The following VPS13C variants were observed in gnomAD, a reference collection of about 807,000 sequenced individuals.
VPS13C encodes vacuolar protein sorting 13 homolog C, also known as intermembrane lipid transfer protein VPS13C.
A neutral mutation model predicts 456.8 loss-of-function variants in VPS13C; 358 were observed. The ratio of observed to expected loss-of-function variants is 0.78; its 90% CI spans 0.72 to 0.86. VPS13C has a LOEUF of 0.86. Among genes scored for constraint, VPS13C ranks in the 40% least tolerant of loss-of-function variants. The probability of loss-of-function intolerance (pLI) is 0.00; values close to 1 mark genes in which losing one functional copy is unlikely to be tolerated. For synonymous variants in VPS13C, 1,578 were observed against 1,486.7 expected, an observed-to-expected ratio of 1.06 and a Z score of -1.41; for missense variants, 4,818 against 4,385.4, an observed-to-expected ratio of 1.10 and a Z score of -2.79.
In VPS13C at chr15:62,032,590, G is replaced by C. The variant is rs192847959; in HGVS notation, c.385+851C>G. 9.9e-4 allele frequency among the ~76,000 whole-genome samples: 151 copies of C among 151,796 alleles called. 1 individual carries two copies. The highest frequency in any genetic ancestry group is 3.5e-3 in the African/African-American group (145 of 41,506). Reference sequence around the variant, plus strand: ...ACCTATTTAAAAAAGATTTCTAATTGATTCAATTAAATGACAACATCTTAA... The same window carrying C: ...ACCTATTTAAAAAAGATTTCTAATTCATTCAATTAAATGACAACATCTTAA... On this transcript the variant is annotated intron_variant, in intron 5 of 84. Coordinates refer to ENST00000644861, the MANE Select transcript of VPS13C (RefSeq NM_020821.3).
chr15:62,045,309 C>T (rs1026113728), intron 1 of VPS13C, among the ~76,000 whole-genome samples: 1 of 151,952 alleles, frequency 6.6e-6, no homozygotes, highest in Non-Finnish European at 1.5e-5. Context: ...TACTTTTGCA[C>T]CAACCTAATA....
chr15:62,026,315 G>A (rs562588834), intron 6 of VPS13C, among the ~76,000 whole-genome samples: 1 of 151,828 alleles, frequency 6.6e-6, no homozygotes, highest in Admixed American at 6.6e-5. Context: ...TCTTCCATTG[G>A]AAATATTGCT....
At position 61,920,688 on chromosome 15, in the gene VPS13C, A is replaced by T. The variant is rs776292470; in HGVS notation, c.7063-41T>A. The stretch of plus-strand genomic sequence containing the variant: ...ACACAGCAAATTTAAATTATTAGCC[A>T]GTTGATAATAAAATAAAAATGCTGG... On this transcript the variant is annotated intron_variant, in intron 55 of 84. Coordinates refer to ENST00000644861, the MANE Select transcript of VPS13C (RefSeq NM_020821.3). The T allele has an allele frequency of 5.9e-6, 9 of 1,519,230 alleles. 1 individual carries two copies. In the East Asian group the frequency reaches 1.9e-4, roughly 32 times the overall value. 94.1% of individuals were successfully genotyped at this position (1,519,230 alleles called of 1,614,324 possible). A position where few individuals can be genotyped will look rare whatever the true frequency, so the allele number is the denominator to read the frequency against.
chr15:61,905,944 A>G (rs1337411464), intron 66 of VPS13C, among the ~76,000 whole-genome samples: 2 of 152,086 alleles, frequency 1.3e-5, no homozygotes, highest in Non-Finnish European at 1.5e-5. Flanking sequence ...TTTATAACTT[A>G]GTTGAGGATG....
At chr15:61,998,144 G>A (rs2046456552) in intron 16 of VPS13C, among the ~76,000 whole-genome samples, 1 of 152,120 alleles carries the variant, frequency 6.6e-6, no homozygotes, top group Admixed American at 6.6e-5. Flanking sequence ...CCTTTAAGCA[G>A]TTACACTTTA....
Position 61,941,899 on chromosome 15 carries a change from A to G in VPS13C, c.5317T>C (p.Ser1773Pro), listed in dbSNP as rs778700583. The G allele has an allele frequency of 2.5e-6, 4 of 1,613,922 alleles. No homozygotes were observed. Among genetic ancestry groups the G allele is most frequent in the Non-Finnish European group, 3.4e-6 (4 of 1,179,946 alleles). The change falls in exon 46 of 85, where the codon TCA (serine) becomes CCA (proline). Residue 1773 changes from serine (S) to proline (P), a missense_variant. Ser to Pro is a moderately conservative substitution (Grantham distance 74). This residue lies in a region of VPS13C where 4,552 missense variants were observed against 4,130.6 expected (regional missense o/e 1.10). Transcript: ENST00000644861. The part of the protein sequence containing the change: ...PVIIIPQSSV[S>P]PNAVIADLGL... Reference sequence around the variant, plus strand: ...AGATCTGCTATAACAGCATTAGGTGATACTGAAGACTGAGGAATAATAATA... The same window carrying G: ...AGATCTGCTATAACAGCATTAGGTGGTACTGAAGACTGAGGAATAATAATA...
At chr15:61,870,710 T>C (rs1352569227) in intron 79 of VPS13C, among the ~76,000 whole-genome samples, 1 of 152,168 alleles carries the variant, frequency 6.6e-6, no homozygotes, top group Non-Finnish European at 1.5e-5. Flanking sequence ...TGACAGACTA[T>C]TTTCTTCCAA....
intron 62 of VPS13C, among the ~76,000 whole-genome samples, chr15:61,912,868 T>C (rs377744603): frequency 2.1e-5 from 3 of 144,198 alleles, no homozygotes; most frequent in Non-Finnish European, 3.0e-5. Context: ...GTTCAATTCC[T>C]ACCTATGAGT....
At chr15:61,882,879 T>G (rs1162982336) in intron 68 of VPS13C, 143 bp from the exon 69 acceptor site, 2 of 791,966 alleles carry the variant, frequency 2.5e-6, no homozygotes, top group Non-Finnish European at 3.5e-6. Context: ...GATCTACAGT[T>G]GAGATCTCTG....
At position 61,880,301 on chromosome 15, in the gene VPS13C, A is replaced by G. The variant is rs984556518; in HGVS notation, c.10002+308T>C. Among the ~76,000 whole-genome samples, 12 of 152,246 alleles carry G rather than the reference A, an allele frequency of 7.9e-5. No individual in the cohort carries two copies. The South Asian group carries it at 8.3e-4, about 11-fold the overall frequency. On this transcript the variant is annotated intron_variant, in intron 73 of 84. Transcript: ENST00000644861. ...CTCTGTTTAGACAGTGATAGTAGTT[A>G]CAAAGTGCAACCAAAACATTAAACG...
At chr15:61,952,517 ATG>A (rs1178536832) in intron 38 of VPS13C, among the ~76,000 whole-genome samples, 1 of 152,020 alleles carries the variant, frequency 6.6e-6, no homozygotes, top group East Asian at 1.9e-4. Flanking sequence ...GTGTGTGTGT[ATG>A]TGTGTTTGTG....
At chr15:61,991,946 A>T in intron 16 of VPS13C, 144 bp from the exon 17 acceptor site, 1 of 906,422 alleles carries the variant, frequency 1.1e-6, no homozygotes, top group Non-Finnish European at 1.6e-6. Flanking sequence ...AATGATGCTC[A>T]CAACATAATT....
chr15:62,056,321 C>T lies in VPS13C; in HGVS notation c.100+3954G>A, dbSNP rs141497793. 3.4e-3 allele frequency among the ~76,000 whole-genome samples: 522 copies of T among 152,188 alleles called. 4 individuals are homozygous for T. The highest frequency in any genetic ancestry group is 0.016 in the East Asian group (84 of 5,180). On this transcript the variant is annotated intron_variant, in intron 1 of 84. Coordinates refer to ENST00000644861, the MANE Select transcript of VPS13C (RefSeq NM_020821.3). ...TCTTTATCCCAATATTATAATAATC[C>T]TCGCTGTACAATCATAACCTAGGAA...
intron 1 of VPS13C, among the ~76,000 whole-genome samples, chr15:62,048,594 T>C: frequency 6.6e-6 from 1 of 152,142 alleles, no homozygotes; most frequent in Non-Finnish European, 1.5e-5. Context: ...AGCAGCATGA[T>C]TTATAATCCT....
rs1262124225 is a variant in VPS13C at position 62,037,267 on chromosome 15, T to TATAAATA, written c.188-2216_188-2215insTATTTAT. 1.0e-2 allele frequency among the ~76,000 whole-genome samples: 216 copies of TATAAATA among 21,708 alleles called. 14 individuals carry two copies. The highest frequency in any genetic ancestry group is 0.015 in the Non-Finnish European group (173 of 11,770). 14.2% of individuals were successfully genotyped at this position (21,708 alleles called of 152,430 possible). On this transcript the variant is annotated intron_variant, in intron 3 of 84. Transcript: ENST00000644861. The stretch of plus-strand genomic sequence containing the variant: ...ATATAATATATTTATATATATTATA[T>TATAAATA]TATATAATATATTATATATATTATA...
At chr15:61,903,424 C>CA (rs34392400) in intron 66 of VPS13C, among the ~76,000 whole-genome samples, 10,905 of 151,114 alleles carry the variant, frequency 0.072, 611 homozygotes, top group East Asian at 0.21. Context: ...ACAAAAGCTA[C>CA]AAAAAATATA....
chr15:61,899,924 G>C (rs2042945593), intron 66 of VPS13C, among the ~76,000 whole-genome samples: 1 of 151,894 alleles, frequency 6.6e-6, no homozygotes, highest in African/African-American at 2.4e-5. Flanking sequence ...ATGATCAAGT[G>C]GGCTTCATCC....
intron 13 of VPS13C, 120 bp downstream of exon 13, chr15:62,010,352 G>T: frequency 8.9e-7 from 1 of 1,128,846 alleles, no homozygotes; most frequent in Non-Finnish European, 1.2e-6. Flanking sequence ...TTTTTAAACA[G>T]TCAAATCTCA....
intron 23 of VPS13C, among the ~76,000 whole-genome samples, chr15:61,977,739 A>G (rs35633657): frequency 1.3e-4 from 19 of 151,998 alleles, no homozygotes; most frequent in Admixed American, 1.0e-3. Flanking sequence ...CAACTAATAG[A>G]GTTCTATGTT....
Sources: allele counts gnomAD v4.1 joint callset (sites outside exome capture counted in the v4.1 genomes callset), GRCh38; gene constraint gnomAD v4.1.1; regional missense constraint gnomAD v4.1.1; transcripts MANE v1.5; gene names NCBI Gene and HGNC (gene_info 2026-07-23, HGNC 2026-07-21).